DNMBP: variants seen among roughly 807,000 people sequenced by gnomAD.
DNMBP encodes the protein dynamin-binding protein.
Under a neutral mutation model 150.0 loss-of-function variants are expected in DNMBP, and 87 were observed. That is an observed-to-expected ratio of 0.58 (90% CI 0.49 to 0.69). DNMBP has a LOEUF of 0.69. Ranked by LOEUF, DNMBP falls within the 30% of genes least tolerant of loss-of-function variation. The pLI is 0.00. For synonymous variants in DNMBP, 711 were observed against 750.4 expected, an observed-to-expected ratio of 0.95 and a Z score of 0.86; for missense variants, 1,774 against 1,949.0, an observed-to-expected ratio of 0.91 and a Z score of 1.69.
Position 99,955,503 on chromosome 10 carries a change from C to A in DNMBP, c.1971G>T (p.Ala657=). ...LPPSAQQRTN[A]VSPKLLSRHR... Reference sequence around the variant, plus strand: ...GTCGAGATAGGAGCTTGGGGGATACCGCATTCGTTCTCTGCTGTGCTGAGG... The same window carrying A: ...GTCGAGATAGGAGCTTGGGGGATACAGCATTCGTTCTCTGCTGTGCTGAGG... Residue 657 remains alanine (A), a synonymous_variant, in exon 4 of 17, where the codon GCG becomes GCT. Coordinates refer to ENST00000324109, the MANE Select transcript of DNMBP (RefSeq NM_015221.4). 6.3e-7 allele frequency: 1 copy of A among 1,597,630 alleles called. No individual in the cohort carries two copies. The highest frequency in any genetic ancestry group is 8.5e-7 in the Non-Finnish European group (1 of 1,171,546).
intron 4 of DNMBP, among the ~76,000 whole-genome samples, chr10:99,920,861 G>A (rs948102340): frequency 6.6e-6 from 1 of 152,058 alleles, no homozygotes; most frequent in South Asian, 2.1e-4. Flanking sequence ...TTAATCTTTT[G>A]TAGAGATGGG....
Position 99,929,925 on chromosome 10 carries a change from C to G in DNMBP, c.2261-20779G>C, listed in dbSNP as rs760370444. On this transcript the variant is annotated intron_variant, in intron 4 of 16. Transcript: ENST00000324109. ...GAGAGAATCTGTCCCTCTGGAATTA[C>G]GAGATTTATATGCACAGTTTGCAAA... The G allele has an allele frequency of 4.3e-6, 3 of 702,762 alleles. No individual in the cohort carries two copies. The African/African-American group carries it at 5.2e-5, about 12-fold the overall frequency. The allele number at this position is 702,762 out of a possible 1,614,324, so 43.5% of individuals were successfully genotyped here.
chr10:99,930,638 G>C, intron 4 of DNMBP: 1 of 702,938 alleles, frequency 1.4e-6, no homozygotes, highest in Non-Finnish European at 2.6e-6. Context: ...TTTCTCTGTA[G>C]AGTCCATCCA....
Position 99,955,593 on chromosome 10 carries a change from A to C in DNMBP, c.1881T>G (p.Val627=), listed in dbSNP as rs555849602. Residue 627 remains valine (V), a synonymous_variant, in exon 4 of 17, where the codon GTT becomes GTG. Transcript: ENST00000324109. ...GTGGTGCAGGTTTTAGGTTCTGGTC[A>C]ACCAGCAAATGGGGAGAAGTGGATA... ...TPVSTSPHLL[V]DQNLKPAPPL... is the part of the protein sequence containing the mutation. 6.2e-7 allele frequency: 1 copy of C among 1,613,318 alleles called. No individual in the cohort carries two copies. Among genetic ancestry groups the C allele is most frequent in the Admixed American group, 1.7e-5 (1 of 59,934 alleles).
Position 99,900,051 on chromosome 10 carries a change from C to T in DNMBP, c.2570G>A (p.Gly857Asp). 3 of 1,614,046 alleles carry T rather than the reference C, an allele frequency of 1.9e-6. No individual in the cohort carries two copies. Among genetic ancestry groups the T allele is most frequent in the Non-Finnish European group, 2.5e-6 (3 of 1,180,022 alleles). ...ISDAVGPVFL[G>D]HRDELEGTYK... ...TGTTCCCTCAAGCTCATCCCGGTGA[C>T]CAAGAAACACAGGTCCTTTGGAATA... is the stretch of plus-strand genomic sequence containing the variant. Residue 857 changes from glycine (G) to aspartate (D), a missense_variant, in exon 7 of 17, where the codon GGT becomes GAT. Gly to Asp is a moderately conservative substitution (Grantham distance 94). Coordinates refer to ENST00000324109, the MANE Select transcript of DNMBP (RefSeq NM_015221.4).
At chr10:99,900,333 GCAGTGGC>G (rs2039720834) in intron 6 of DNMBP, among the ~76,000 whole-genome samples, 2 of 152,254 alleles carry the variant, frequency 1.3e-5, no homozygotes, top group Admixed American at 6.5e-5. Flanking sequence ...AGGCTGGAGT[GCAGTGGC>G]ACAATCTCAG....
intron 4 of DNMBP, among the ~76,000 whole-genome samples, chr10:99,948,416 T>C (rs1419623037): frequency 2.0e-5 from 3 of 152,194 alleles, no homozygotes; most frequent in Admixed American, 2.0e-4. Context: ...CTTCAGGAAT[T>C]TGGAAACATT....
chr10:99,934,695 C>G (rs2040204855), intron 4 of DNMBP, among the ~76,000 whole-genome samples: 2 of 131,974 alleles, frequency 1.5e-5, no homozygotes, highest in African/African-American at 2.8e-5. Flanking sequence ...CATTTGTAAT[C>G]TTGATTTGTC....
intron 2 of DNMBP, 54 bp from the exon 3 acceptor site, chr10:99,969,291 CT>C (rs1384042904): frequency 2.5e-6 from 4 of 1,604,446 alleles, no homozygotes; most frequent in Non-Finnish European, 3.4e-6. Flanking sequence ...CTTTTCCCGT[CT>C]GTGTACAAGG....
At chr10:99,937,148 C>T (rs1173233161) in intron 4 of DNMBP, among the ~76,000 whole-genome samples, 2 of 152,056 alleles carry the variant, frequency 1.3e-5, no homozygotes, top group Non-Finnish European at 2.9e-5. Flanking sequence ...GACCTGATCA[C>T]TCCTCAAGTG....
chr10:99,897,995 T>C (rs2039680525), intron 9 of DNMBP, 91 bp downstream of exon 9: 3 of 1,116,794 alleles, frequency 2.7e-6, no homozygotes, highest in Non-Finnish European at 4.1e-6. Context: ...ACCACCTGCC[T>C]TGTCCAACTC....
Position 99,956,236 on chromosome 10 carries a change from G to A in DNMBP, c.1238C>T (p.Ser413Phe), listed in dbSNP as rs148099898. The change falls in exon 4 of 17, where the codon TCC becomes TTC. Residue 413 changes from serine (S) to phenylalanine (F), a missense_variant. By Grantham distance (155) the Ser-to-Phe change is radical. Around this residue, in one of 2 missense-constraint regions of DNMBP, gnomAD observed 1,430 missense variants for 1,492.5 expected, o/e 0.96. Transcript: ENST00000324109. ...SDPTEVVNGI[S>F]SQPQVPFHPN... ...ATGAAAAGGGACCTGAGGTTGGGAG[G>A]AAATACCATTGACTACTTCTGTAGG... is the stretch of plus-strand genomic sequence containing the variant. 6.2e-7 allele frequency: 1 copy of A among 1,613,678 alleles called. No homozygotes were observed. The highest frequency in any genetic ancestry group is 8.5e-7 in the Non-Finnish European group (1 of 1,180,000).
rs542156954 is a variant in DNMBP, at chr10:99,997,095, A to G, written c.-11+12743T>C. ...CACTAACAAAGTCTGGTTTTAATGTAAACTCATCCTCCTCTTCCCTGACCC... is the reference window on the plus strand; with the variant it reads ...CACTAACAAAGTCTGGTTTTAATGTGAACTCATCCTCCTCTTCCCTGACCC... On this transcript the variant is annotated intron_variant, in intron 1 of 16. Coordinates refer to ENST00000324109, the MANE Select transcript of DNMBP (RefSeq NM_015221.4). Among the ~76,000 whole-genome samples the G allele has an allele frequency of 4.5e-4, 68 of 152,358 alleles. 1 individual carries two copies. In the South Asian group the frequency reaches 0.012, roughly 26 times the overall value.
chr10:99,892,460 C>A (rs1428996864), intron 11 of DNMBP, among the ~76,000 whole-genome samples: 2 of 130,806 alleles, frequency 1.5e-5, no homozygotes, highest in Non-Finnish European at 3.2e-5. Flanking sequence ...GACCTTACCC[C>A]CAACCCTGCG....
chr10:99,899,459 A>G (rs2039706248), intron 7 of DNMBP, among the ~76,000 whole-genome samples: 1 of 151,824 alleles, frequency 6.6e-6, no homozygotes, highest in Admixed American at 6.6e-5. Flanking sequence ...AAAATTAGCC[A>G]GGTATGGTGG....
intron 4 of DNMBP, among the ~76,000 whole-genome samples, chr10:99,916,931 G>A (rs2133259792): frequency 6.6e-6 from 1 of 152,256 alleles, no homozygotes; most frequent in East Asian, 1.9e-4. Flanking sequence ...AATTCCAGGA[G>A]GCGGAGGGTG....
chr10:99,970,331 G>A (rs542248903), intron 2 of DNMBP, among the ~76,000 whole-genome samples: 1 of 152,294 alleles, frequency 6.6e-6, no homozygotes, highest in Admixed American at 6.5e-5. Flanking sequence ...AGATGCATGT[G>A]GTGTGGGAAA....
intron 9 of DNMBP, among the ~76,000 whole-genome samples, chr10:99,896,814 T>C (rs754920877): frequency 9.2e-5 from 14 of 152,312 alleles, no homozygotes; most frequent in Non-Finnish European, 1.8e-4. Context: ...TCGTCTCCCA[T>C]AGTAAAATGC....
Position 100,003,694 on chromosome 10 carries a change from A to AAAC in DNMBP, c.-11+6141_-11+6143dup, listed in dbSNP as rs1005884016. Among the ~76,000 whole-genome samples, 8 of 152,088 alleles carry AAAC rather than the reference A, an allele frequency of 5.3e-5. No individual in the cohort carries two copies. In the Middle Eastern group the frequency reaches 0.01, roughly 195 times the overall value. On this transcript the variant is annotated intron_variant, in intron 1 of 16. Coordinates refer to ENST00000324109, the MANE Select transcript of DNMBP (RefSeq NM_015221.4). The stretch of plus-strand genomic sequence containing the variant: ...ACAGAGTGAGACCTCATCTCTATTA[A>AAAC]AACAACAACAACAACAACAAAAAAC...
Sources: allele counts gnomAD v4.1 joint callset (sites outside exome capture counted in the v4.1 genomes callset), GRCh38; gene constraint gnomAD v4.1.1; regional missense constraint gnomAD v4.1.1; transcripts MANE v1.5; gene names NCBI Gene and HGNC (gene_info 2026-07-23, HGNC 2026-07-21).